The following FKBP15 variants were observed in gnomAD, a reference collection of about 807,000 sequenced individuals.
FKBP15 encodes FKBP prolyl isomerase family member 15.
Under a neutral mutation model 158.1 loss-of-function variants are expected in FKBP15, and 106 were observed. The ratio of observed to expected loss-of-function variants is 0.67; its 90% CI spans 0.57 to 0.79. FKBP15 has a LOEUF of 0.79. Ranked by LOEUF, FKBP15 falls within the 30% of genes least tolerant of loss-of-function variation. The pLI is 0.00. For missense variants in FKBP15, 1,287 were observed against 1,479.1 expected, an observed-to-expected ratio of 0.87 and a Z score of 2.13; for synonymous variants, 547 against 548.6, an observed-to-expected ratio of 1.00 and a Z score of 0.04.
intron 9 of FKBP15, among the ~76,000 whole-genome samples, chr9:113,195,984 CTATG>C (rs1830671003): frequency 6.6e-6 from 1 of 151,724 alleles, no homozygotes; most frequent in Non-Finnish European, 1.5e-5. Context: ...GTACATATGA[CTATG>C]TATATGGATA....
intron 6 of FKBP15, among the ~76,000 whole-genome samples, chr9:113,201,541 T>C (rs995734889): frequency 1.3e-5 from 2 of 152,032 alleles, no homozygotes; most frequent in African/African-American, 4.8e-5. Context: ...GCCAGGAGGG[T>C]GGAGCCCTCA....
intron 21 of FKBP15, 80 bp downstream of exon 21, chr9:113,176,457 C>CTTTTCT: frequency 7.1e-7 from 1 of 1,408,632 alleles, no homozygotes; most frequent in South Asian, 1.4e-5. Flanking sequence ...ACAATAAGCA[C>CTTTTCT]ATACTATTGT....
chr9:113,184,306 G>A lies in FKBP15; in HGVS notation c.1702C>T (p.Gln568Ter), dbSNP rs1385443234. 1 of 1,598,062 alleles carries A rather than the reference G, an allele frequency of 6.3e-7. No individual in the cohort carries two copies. ...ATCACCCTCACCTGAATGATTCGCT[G>A]GATGTTGCTCATAATCATGCTTGTT... ...METSMIMSNI[Q>*]RIIQENERLK... Residue 568 changes from glutamine (Q) to a stop codon, truncating the protein, a stop_gained, in exon 17 of 28, where the codon CAG (glutamine) becomes TAG (stop). Coordinates refer to ENST00000238256, the MANE Select transcript of FKBP15 (RefSeq NM_015258.2). LOFTEE classifies it high-confidence loss of function. The surrounding 1 kb of genome is among the most constrained non-coding windows in gnomAD (Gnocchi z 4.5).
At chr9:113,207,658 T>G (rs1468112883) in intron 2 of FKBP15, among the ~76,000 whole-genome samples, 2 of 152,176 alleles carry the variant, frequency 1.3e-5, no homozygotes, top group Non-Finnish European at 2.9e-5. Context: ...TTTTAACCAC[T>G]GAACTAGCTT....
chr9:113,184,364 G>T lies in FKBP15; in HGVS notation c.1644C>A (p.Ser548=). Residue 548 remains serine (S), a synonymous_variant, in exon 17 of 28, where the codon TCC becomes TCA. Coordinates refer to ENST00000238256, the MANE Select transcript of FKBP15 (RefSeq NM_015258.2). This position sits in a 1 kb window ranked among gnomAD's most constrained non-coding sequence, Gnocchi z 4.5. Reference sequence around the variant, plus strand: ...TAACTGACATGCTAGGAATAAGCATGGAATTGCCAGCACTATGTTTCTGTA... The same window carrying T: ...TAACTGACATGCTAGGAATAAGCATTGAATTGCCAGCACTATGTTTCTGTA... The part of the protein sequence containing the change: ...EELQKHSAGN[S]MLIPSMSVTM... 6.2e-7 allele frequency: 1 copy of T among 1,607,128 alleles called. No individual in the cohort carries two copies. The highest frequency in any genetic ancestry group is 8.5e-7 in the Non-Finnish European group (1 of 1,176,452).
chr9:113,189,394 T>G (rs1830537189), intron 12 of FKBP15, among the ~76,000 whole-genome samples: 1 of 152,178 alleles, frequency 6.6e-6, no homozygotes, highest in Non-Finnish European at 1.5e-5. Context: ...AACATTAGGT[T>G]TAAAAATCAG....
intron 10 of FKBP15, 151 bp downstream of exon 10, chr9:113,193,876 T>C (rs1222994539): frequency 5.5e-6 from 5 of 903,452 alleles, no homozygotes; most frequent in Admixed American, 3.4e-5. Flanking sequence ...GTCAGAAAAA[T>C]CTGATGCAAG....
At chr9:113,171,542 A>G (rs1225390275) in intron 24 of FKBP15, 39 bp downstream of exon 24, 5 of 1,595,246 alleles carry the variant, frequency 3.1e-6, no homozygotes, top group Non-Finnish European at 4.3e-6. Context: ...TGAATGCTTG[A>G]TATAAATGGC....
In FKBP15 at chr9:113,176,017, C is replaced by T. The variant is rs564614843; in HGVS notation, c.2223+520G>A. Among the ~76,000 whole-genome samples the T allele has an allele frequency of 3.3e-5, 5 of 152,250 alleles. No homozygotes were observed. In the South Asian group the frequency reaches 6.2e-4, roughly 19 times the overall value. Reference sequence around the variant, plus strand: ...TGATTCTTACTCATGCAATCCATCACGTAGGAATGCTCAAACAAATTTGCA... The same window carrying T: ...TGATTCTTACTCATGCAATCCATCATGTAGGAATGCTCAAACAAATTTGCA... On this transcript the variant is annotated intron_variant, in intron 21 of 27. Transcript: ENST00000238256.
chr9:113,165,129 C>G lies in FKBP15; in HGVS notation c.*949G>C, dbSNP rs1053128106. The G allele has an allele frequency of 6.6e-6, 1 of 152,166 alleles. No homozygotes were observed. Among genetic ancestry groups the G allele is most frequent in the African/African-American group, 2.4e-5 (1 of 41,430 alleles). The allele number at this position is 152,166 out of a possible 1,614,324, so 9.4% of individuals were successfully genotyped here. ...CCACAAGTATTTTCTCACTACTGTT[C>G]TCTGCATAAGTCCTGGTCCCATGAG... On this transcript the variant is annotated 3_prime_UTR_variant, in exon 28 of 28. Coordinates refer to ENST00000238256, the MANE Select transcript of FKBP15 (RefSeq NM_015258.2).
intron 1 of FKBP15, among the ~76,000 whole-genome samples, chr9:113,214,303 T>C (rs1027975250): frequency 6.6e-6 from 1 of 152,232 alleles, no homozygotes; most frequent in Non-Finnish European, 1.5e-5. Context: ...CCATGAAATG[T>C]ATTTCTTAAA....
In FKBP15 at chr9:113,162,545, A is replaced by C; in HGVS notation, c.*3533T>G. 1 of 437,758 alleles carries C rather than the reference A, an allele frequency of 2.3e-6. No individual in the cohort carries two copies. The highest frequency in any genetic ancestry group is 3.9e-6 in the Non-Finnish European group (1 of 258,978). 27.1% of individuals were successfully genotyped at this position (437,758 alleles called of 1,614,324 possible). A position where few individuals can be genotyped will look rare whatever the true frequency, so the allele number is the denominator to read the frequency against. On this transcript the variant is annotated 3_prime_UTR_variant, in exon 28 of 28. Transcript: ENST00000238256. ...AAGCTTGAAACCAAATGTAGTGAAG[A>C]TATGTCTCTTTAAAAATAAATCTCG...
chr9:113,175,915 A>G (rs1830291995), intron 21 of FKBP15, among the ~76,000 whole-genome samples: 3 of 152,228 alleles, frequency 2.0e-5, no homozygotes, highest in Non-Finnish European at 4.4e-5. Context: ...TACTGCTGAA[A>G]GTGTAAGCAC....
In FKBP15 at chr9:113,197,534, T is replaced by C. The variant is rs1587967191; in HGVS notation, c.718-456A>G. Among the ~76,000 whole-genome samples, 5 of 152,140 alleles carry C rather than the reference T, an allele frequency of 3.3e-5. No homozygotes were observed. In the South Asian group the frequency reaches 1.0e-3, roughly 32 times the overall value. ...AATACAAAAAATTAGCCAGATGTGG[T>C]GGTGCGCTCCTGTAGTCCCAGCTAC... On this transcript the variant is annotated intron_variant, in intron 8 of 27. Transcript: ENST00000238256.
intron 19 of FKBP15, among the ~76,000 whole-genome samples, chr9:113,180,678 T>C (rs552157413): frequency 6.6e-6 from 1 of 152,258 alleles, no homozygotes; most frequent in African/African-American, 2.4e-5. Context: ...AAAAGGAATA[T>C]AGCTGAATGG....
chr9:113,187,988 G>T, intron 13 of FKBP15, 89 bp from the exon 14 acceptor site: 2 of 945,612 alleles, frequency 2.1e-6, no homozygotes, highest in Non-Finnish European at 1.6e-6. Flanking sequence ...TCATGCTTCA[G>T]ACTCAACTAT....
Position 113,163,091 on chromosome 9 carries a change from C to A in FKBP15, c.*2987G>T. 1.8e-6 allele frequency: 1 copy of A among 569,048 alleles called. No homozygotes were observed. Among genetic ancestry groups the A allele is most frequent in the Non-Finnish European group, 3.0e-6 (1 of 337,270 alleles). The allele number at this position is 569,048 out of a possible 1,614,324, so 35.2% of individuals were successfully genotyped here. A position where few individuals can be genotyped will look rare whatever the true frequency, so the allele number is the denominator to read the frequency against. On this transcript the variant is annotated 3_prime_UTR_variant, in exon 28 of 28. Transcript: ENST00000238256. ...CCCTGGAGTTCGGAAGCCATTGCAG[C>A]AACCTTCCTTCTCAGCCAGCCTACG... is the stretch of plus-strand genomic sequence containing the variant.
At chr9:113,167,645 G>A (rs1467299912) in intron 27 of FKBP15, among the ~76,000 whole-genome samples, 1 of 152,120 alleles carries the variant, frequency 6.6e-6, no homozygotes, top group Non-Finnish European at 1.5e-5. Flanking sequence ...GATACATGAG[G>A]GGACAAAATT....
intron 4 of FKBP15, among the ~76,000 whole-genome samples, chr9:113,205,767 C>T (rs1830873859): frequency 6.6e-6 from 1 of 152,106 alleles, no homozygotes; most frequent in Admixed American, 6.5e-5. Context: ...ATAAACAACC[C>T]AGTGTCCATC....
Sources: gnomAD v4.1 joint callset for allele counts (sites outside exome capture counted in the v4.1 genomes callset) on GRCh38, gnomAD v4.1.1 for gene constraint, Gnocchi (gnomAD v3.1) non-coding constraint, MANE v1.5 for transcripts, NCBI Gene and HGNC (gene_info 2026-07-23, HGNC 2026-07-21) for gene names.